Variants in ALK observed in about 807,000 individuals in gnomAD.
The protein encoded by ALK is ALK tyrosine kinase receptor.
ALK carries 74 observed loss-of-function variants against 163.1 expected under a neutral mutation model. The observed-to-expected ratio is 0.45, with a 90% CI of 0.38 to 0.55. ALK has a LOEUF of 0.55. ALK is among the 20% of genes least tolerant of loss of function. The pLI is 0.00. For missense variants in ALK, 2,063 were observed against 2,105.3 expected (o/e 0.98, Z 0.39); for synonymous variants, 960 against 843.2 (o/e 1.14, Z -2.40).
chr2:29,686,763 G>A (rs1678253129), intron 3 of ALK, among the ~76,000 whole-genome samples: 1 of 152,192 alleles, frequency 6.6e-6, no homozygotes, highest in African/African-American at 2.4e-5. Flanking sequence ...GGAAAGGCCT[G>A]TCCTGATGGG....
intron 5 of ALK, among the ~76,000 whole-genome samples, chr2:29,368,575 G>T (rs1358115107): frequency 6.6e-6 from 1 of 152,222 alleles, no homozygotes; most frequent in African/African-American, 2.4e-5. Flanking sequence ...GTGGGGAAAT[G>T]GACAGACCAG....
intron 1 of ALK, among the ~76,000 whole-genome samples, chr2:29,760,767 GA>G (rs975333699): frequency 2.6e-5 from 4 of 152,154 alleles, no homozygotes; most frequent in African/African-American, 9.7e-5. Context: ...TGAAACTCTG[GA>G]ACCCAACCAT....
At chr2:29,819,927 G>A (rs988418032) in intron 1 of ALK, among the ~76,000 whole-genome samples, 3 of 152,156 alleles carry the variant, frequency 2.0e-5, no homozygotes, top group African/African-American at 7.2e-5. Flanking sequence ...TGAGGAACAG[G>A]CAATTCCCAT....
intron 1 of ALK, among the ~76,000 whole-genome samples, chr2:29,797,965 G>T (rs955933006): frequency 6.6e-6 from 1 of 152,102 alleles, no homozygotes; most frequent in Non-Finnish European, 1.5e-5. Context: ...GAAGGCCACG[G>T]GGTGGTAAGC....
intron 9 of ALK, among the ~76,000 whole-genome samples, chr2:29,286,036 TC>T (rs1185773666): frequency 2.6e-5 from 4 of 152,216 alleles, no homozygotes; most frequent in Admixed American, 1.3e-4. Flanking sequence ...CTGAAGGCCT[TC>T]TCTGGAATGC....
At chr2:29,646,638 G>A (rs1676883099) in intron 3 of ALK, among the ~76,000 whole-genome samples, 1 of 152,036 alleles carries the variant, frequency 6.6e-6, no homozygotes, top group Admixed American at 6.6e-5. Context: ...TGCCATCCCT[G>A]AATATTCCAG....
At chr2:29,655,653 T>C (rs879564249) in intron 3 of ALK, among the ~76,000 whole-genome samples, 2 of 152,156 alleles carry the variant, frequency 1.3e-5, no homozygotes, top group African/African-American at 2.4e-5. Flanking sequence ...ACTCATCACC[T>C]TGGAGTTGTA....
chr2:29,288,752 A>G (rs2148224938), intron 9 of ALK, among the ~76,000 whole-genome samples: 1 of 152,010 alleles, frequency 6.6e-6, no homozygotes, highest in Admixed American at 6.5e-5. Context: ...GGAGTTCAAG[A>G]CAAGCCTGGC....
intron 1 of ALK, among the ~76,000 whole-genome samples, chr2:29,912,064 A>G (rs566990925): frequency 5.9e-5 from 9 of 152,368 alleles, no homozygotes; most frequent in African/African-American, 2.2e-4. Flanking sequence ...GAAATTGTTC[A>G]ATCTACAGAA....
intron 4 of ALK, among the ~76,000 whole-genome samples, chr2:29,489,558 C>G (rs1045706441): frequency 1.1e-4 from 17 of 152,330 alleles, no homozygotes; most frequent in African/African-American, 4.1e-4. Flanking sequence ...CATTGGCCTC[C>G]CAAAGTATTG....
chr2:29,723,683 G>A (rs1273417650), intron 1 of ALK, among the ~76,000 whole-genome samples: 1 of 152,144 alleles, frequency 6.6e-6, no homozygotes, highest in East Asian at 1.9e-4. Flanking sequence ...ATAAGAATAG[G>A]GCATATTCTA....
At chr2:29,308,011 T>G (rs1666571595) in intron 8 of ALK, among the ~76,000 whole-genome samples, 1 of 152,082 alleles carries the variant, frequency 6.6e-6, no homozygotes, top group Admixed American at 6.5e-5. Context: ...CCTTGAGATC[T>G]CTGGCTGGTG....
intron 2 of ALK, among the ~76,000 whole-genome samples, chr2:29,703,194 T>A (rs1001854188): frequency 6.6e-6 from 1 of 152,256 alleles, no homozygotes; most frequent in Non-Finnish European, 1.5e-5. Flanking sequence ...GTTATTTTCC[T>A]GCTAAAAATG....
At chr2:29,899,874 C>T (rs1223951816) in intron 1 of ALK, among the ~76,000 whole-genome samples, 1 of 151,874 alleles carries the variant, frequency 6.6e-6, no homozygotes, top group Non-Finnish European at 1.5e-5. Flanking sequence ...AGAAATACCA[C>T]ACCCTTGATT....
At chr2:29,275,893 G>A (rs1019155478) in intron 9 of ALK, among the ~76,000 whole-genome samples, 1 of 152,088 alleles carries the variant, frequency 6.6e-6, no homozygotes, top group South Asian at 2.1e-4. Flanking sequence ...ACTGAGTTGG[G>A]GAAAAAAATA....
At chr2:29,738,260 A>G (rs923155202) in intron 1 of ALK, among the ~76,000 whole-genome samples, 2 of 152,058 alleles carry the variant, frequency 1.3e-5, no homozygotes, top group Non-Finnish European at 2.9e-5. Context: ...TGGACCTTGG[A>G]GTCCATATCA....
intron 5 of ALK, among the ~76,000 whole-genome samples, chr2:29,383,207 A>T (rs1263206221): frequency 2.6e-5 from 4 of 151,194 alleles, no homozygotes; most frequent in Non-Finnish European, 4.4e-5. Flanking sequence ...GTTCCCTTCT[A>T]TGTGCCTATG....
Position 29,921,248 on chromosome 2 carries a change from G to A in ALK, c.-589C>T, listed in dbSNP as rs1667996764. On this transcript the variant is annotated 5_prime_UTR_variant, in exon 1 of 29. Coordinates refer to ENST00000389048, the MANE Select transcript of ALK (RefSeq NM_004304.5). ...CACCCTCAAGCTATCTCTCCGCTGC[G>A]GGAAGGCTTCGGACTGTCTGCCTGC... The A allele has an allele frequency of 1.3e-5, 3 of 233,674 alleles. No individual in the cohort carries two copies. Among genetic ancestry groups the A allele is most frequent in the South Asian group, 1.8e-4 (1 of 5,550 alleles). The allele number at this position is 233,674 out of a possible 1,614,324, so 14.5% of individuals were successfully genotyped here. A position where few individuals can be genotyped will look rare whatever the true frequency, so the allele number is the denominator to read the frequency against.
In ALK at chr2:29,267,631, G is replaced by C. The variant is rs115559682; in HGVS notation, c.2041+7468C>G. On this transcript the variant is annotated intron_variant, in intron 11 of 28. Transcript: ENST00000389048. ...CTCTTGTTTCTTTTCCTCTCAATAG[G>C]AGAGGGGCAAGCTGGGAAGACCACC... Among the ~76,000 whole-genome samples the C allele has an allele frequency of 5.8e-3, 889 of 152,232 alleles. 8 individuals carry two copies. Among genetic ancestry groups the C allele is most frequent in the Non-Finnish European group, 0.01 (695 of 68,010 alleles).
Sources: gnomAD v4.1 joint callset for allele counts (sites outside exome capture counted in the v4.1 genomes callset) on GRCh38, gnomAD v4.1.1 for gene constraint, MANE v1.5 for transcripts, NCBI Gene and HGNC (gene_info 2026-07-23, HGNC 2026-07-21) for gene names.